CTNNA2: variants seen among roughly 807,000 people sequenced by gnomAD.
The protein encoded by CTNNA2 is catenin alpha-2.
CTNNA2 carries 42 observed loss-of-function variants against 101.0 expected under a neutral mutation model. That is an observed-to-expected ratio of 0.42 (90% CI 0.32 to 0.54). The LOEUF (loss-of-function observed/expected upper bound fraction) is 0.54, where lower values mean the gene tolerates loss of function less well. CTNNA2 is among the 20% of genes least tolerant of loss of function. The pLI is 0.14. For synonymous variants in CTNNA2, 450 were observed against 456.4 expected, an observed-to-expected ratio of 0.99 and a Z score of 0.18; for missense variants, 871 against 1,223.1, an observed-to-expected ratio of 0.71 and a Z score of 4.29.
At chr2:79,247,956 A>G (rs1431737236) in intron 2 of CTNNA2, among the ~76,000 whole-genome samples, 1 of 152,218 alleles carries the variant, frequency 6.6e-6, no homozygotes, top group Non-Finnish European at 1.5e-5. Flanking sequence ...AAGTGAAAGT[A>G]ATTTCATAGT....
intron 7 of CTNNA2, among the ~76,000 whole-genome samples, chr2:80,363,654 G>T (rs1424682947): frequency 6.6e-6 from 1 of 152,120 alleles, no homozygotes; most frequent in East Asian, 1.9e-4. Context: ...TCTTATAATG[G>T]TGCGTGCATA....
chr2:80,559,708 A>G (rs1693374133), intron 12 of CTNNA2, among the ~76,000 whole-genome samples: 1 of 152,160 alleles, frequency 6.6e-6, no homozygotes, highest in African/African-American at 2.4e-5. Flanking sequence ...TTAAATACTT[A>G]CATGGCATAT....
intron 3 of CTNNA2, among the ~76,000 whole-genome samples, chr2:79,848,237 G>A (rs1455369756): frequency 6.6e-6 from 1 of 152,070 alleles, no homozygotes; most frequent in Non-Finnish European, 1.5e-5. Flanking sequence ...TATATGTGTT[G>A]CACAATGAAA....
chr2:79,704,545 C>T (rs1407755982), intron 2 of CTNNA2, among the ~76,000 whole-genome samples: 1 of 143,434 alleles, frequency 7.0e-6, no homozygotes, highest in Non-Finnish European at 1.5e-5. Context: ...CGGAGTCTCG[C>T]TCTGTTCCCC....
intron 6 of CTNNA2, among the ~76,000 whole-genome samples, chr2:79,906,847 T>A (rs995010676): frequency 3.3e-5 from 5 of 152,226 alleles, no homozygotes; most frequent in Non-Finnish European, 7.3e-5. Context: ...CCCAAAGCAT[T>A]TCATATGATA....
At chr2:79,517,194 T>A (rs190272637) in intron 1 of CTNNA2, among the ~76,000 whole-genome samples, 1 of 152,308 alleles carries the variant, frequency 6.6e-6, no homozygotes, top group East Asian at 1.9e-4. Flanking sequence ...TCATAAACTA[T>A]TTTGAAAAAT....
rs754407858 is a variant in CTNNA2 at position 80,647,650 on chromosome 2, G to T, written c.2640G>T (p.Val880=). 12 of 1,613,242 alleles carry T rather than the reference G, an allele frequency of 7.4e-6. No individual in the cohort carries two copies. The Admixed American group carries it at 2.0e-4, about 27-fold the overall frequency. The change falls in exon 19 of 19, where the codon GTG becomes GTT. Residue 880 remains valine (V), a synonymous_variant. Coordinates refer to ENST00000402739, the MANE Select transcript of CTNNA2 (RefSeq NM_001282597.3). ...KNLMNAVVLT[V]KASYVASTKY... ...TGATGAATGCTGTTGTCCTCACGGTGAAAGCATCCTATGTGGCCTCAACCA... is the reference window on the plus strand; with the variant it reads ...TGATGAATGCTGTTGTCCTCACGGTTAAAGCATCCTATGTGGCCTCAACCA...
chr2:79,388,219 A>T (rs1678126903), intron 4 of CTNNA2, among the ~76,000 whole-genome samples: 1 of 152,208 alleles, frequency 6.6e-6, no homozygotes, highest in African/African-American at 2.4e-5. Flanking sequence ...TATCCAGCAT[A>T]TGTTGGAGAG....
At chr2:79,393,938 C>G (rs1014487865) in intron 4 of CTNNA2, among the ~76,000 whole-genome samples, 5 of 152,076 alleles carry the variant, frequency 3.3e-5, no homozygotes, top group Non-Finnish European at 7.4e-5. Flanking sequence ...CCTCCTGGCC[C>G]CAGTTCTAAC....
intron 4 of CTNNA2, among the ~76,000 whole-genome samples, chr2:79,486,651 C>G (rs1222034011): frequency 6.6e-6 from 1 of 152,196 alleles, no homozygotes; most frequent in Non-Finnish European, 1.5e-5. Flanking sequence ...AATCGCCACA[C>G]TGACTTCCAC....
chr2:79,947,176 A>G (rs10204813), intron 7 of CTNNA2, among the ~76,000 whole-genome samples: 10,048 of 152,230 alleles, frequency 0.066, 1,130 homozygotes, highest in African/African-American at 0.23. Flanking sequence ...ATAAATTGCA[A>G]TAATTCAGGA....
At chr2:80,594,127 A>C (rs561402551) in intron 15 of CTNNA2, among the ~76,000 whole-genome samples, 42 of 152,180 alleles carry the variant, frequency 2.8e-4, no homozygotes, top group Admixed American at 7.8e-4. Flanking sequence ...ACAATGGTCA[A>C]ATTTCTCCAC....
intron 1 of CTNNA2, among the ~76,000 whole-genome samples, chr2:79,197,662 T>C (rs1047795608): frequency 2.6e-5 from 4 of 152,084 alleles, no homozygotes; most frequent in African/African-American, 7.2e-5. Flanking sequence ...GAAATTTGAG[T>C]TTCATCCCGT....
intron 2 of CTNNA2, among the ~76,000 whole-genome samples, chr2:79,281,121 G>A (rs943777208): frequency 6.6e-6 from 1 of 151,882 alleles, no homozygotes; most frequent in African/African-American, 2.4e-5. Flanking sequence ...TATGCTTCTG[G>A]GAAACAGGAA....
chr2:79,429,972 T>C (rs946291284), intron 4 of CTNNA2, among the ~76,000 whole-genome samples: 6 of 152,256 alleles, frequency 3.9e-5, no homozygotes, highest in African/African-American at 1.4e-4. Context: ...TATTACTTAC[T>C]AAAAGTGTTA....
intron 6 of CTNNA2, among the ~76,000 whole-genome samples, chr2:79,908,195 A>G (rs561888417): frequency 6.6e-6 from 1 of 152,344 alleles, no homozygotes; most frequent in Non-Finnish European, 1.5e-5. Flanking sequence ...AGTAGTAGGC[A>G]TATAGTAGGT....
At chr2:79,844,278 GTC>G (rs1178789770) in intron 3 of CTNNA2, among the ~76,000 whole-genome samples, 1 of 152,038 alleles carries the variant, frequency 6.6e-6, no homozygotes, top group Admixed American at 6.6e-5. Context: ...TATCCAAAAA[GTC>G]TGAAAATACA....
intron 6 of CTNNA2, among the ~76,000 whole-genome samples, chr2:79,875,315 A>G (rs1003041931): frequency 7.2e-5 from 11 of 152,200 alleles, no homozygotes; most frequent in Non-Finnish European, 1.5e-4. Context: ...CTTATGATCA[A>G]TGAAAGCCTA....
chr2:79,306,250 C>T (rs1370670556), intron 2 of CTNNA2, among the ~76,000 whole-genome samples: 1 of 151,992 alleles, frequency 6.6e-6, no homozygotes, highest in African/African-American at 2.4e-5. Flanking sequence ...AAAGGCAGAA[C>T]ATTTCAGTTA....
Sources: allele counts gnomAD v4.1 joint callset (sites outside exome capture counted in the v4.1 genomes callset), GRCh38; gene constraint gnomAD v4.1.1; transcripts MANE v1.5; gene names NCBI Gene and HGNC (gene_info 2026-07-23, HGNC 2026-07-21).